COL1A1: variants seen among roughly 807,000 people sequenced by gnomAD.
The protein encoded by COL1A1 is collagen alpha-1(I) chain.
In COL1A1, 21 loss-of-function variants were observed where a neutral mutation model predicts 195.7. The ratio of observed to expected loss-of-function variants is 0.11; its 90% CI spans 0.08 to 0.15. The LOEUF is 0.15. Among genes scored for constraint, COL1A1 ranks in the 10% least tolerant of loss-of-function variants. The pLI is 1.00. For missense variants in COL1A1, 1,365 were observed against 2,051.0 expected (o/e 0.67, Z 6.46); for synonymous variants, 749 against 747.3 (o/e 1.00, Z -0.04).
Position 50,199,739 on chromosome 17 carries a change from G to T in COL1A1, c.298+14C>A. On this transcript the variant is annotated intron_variant, in intron 2 of 50. Transcript: ENST00000225964. The stretch of plus-strand genomic sequence containing the variant: ...CCCCAGGCCCCAGGCCCCAGGCCCC[G>T]AGCGCAGCCGCACCTGAGCCGTCGG... 6.2e-7 allele frequency: 1 copy of T among 1,609,320 alleles called. No homozygotes were observed. The highest frequency in any genetic ancestry group is 1.1e-5 in the South Asian group (1 of 90,918).
At chr17:50,196,837 G>A (rs762842116) in intron 11 of COL1A1, among the ~76,000 whole-genome samples, 167 bp from the exon 12 acceptor site, 10 of 152,268 alleles carry the variant, frequency 6.6e-5, no homozygotes, top group East Asian at 1.9e-4. Flanking sequence ...TCGTTTAATC[G>A]GGACTGCTTT....
In COL1A1 at chr17:50,188,497, C is replaced by T. The variant is rs772010597; in HGVS notation, c.3207+33G>A. The T allele has an allele frequency of 1.3e-6, 2 of 1,592,932 alleles. No individual in the cohort carries two copies. The highest frequency in any genetic ancestry group is 2.2e-5 in the South Asian group (2 of 90,712). ...GAGGCCTGAAGAGTCCCTGGCCTGA[C>T]CAGGTACAGGGAACTGGAGCCCAGC... is the stretch of plus-strand genomic sequence containing the variant. On this transcript the variant is annotated intron_variant, in intron 43 of 50. Transcript: ENST00000225964. This position sits in a 1 kb window ranked among gnomAD's most constrained non-coding sequence, Gnocchi z 5.6.
At position 50,196,165 on chromosome 17, in the gene COL1A1, G is replaced by A. The variant is rs762653813; in HGVS notation, c.992C>T (p.Ala331Val). 28 of 1,613,964 alleles carry A rather than the reference G, an allele frequency of 1.7e-5. No individual in the cohort carries two copies. Among genetic ancestry groups the A allele is most frequent in the Non-Finnish European group, 2.2e-5 (26 of 1,179,988 alleles). Residue 331 changes from alanine to valine, a missense_variant, in exon 15 of 51, where the codon GCC becomes GTC. By Grantham distance (64) the Ala-to-Val change is moderately conservative. Transcript: ENST00000225964. ...ACAGGCCACACTCACAGGGGGCCCG[G>A]CAGCACCAGTAGCACCATCATTTCC... ...ARGNDGATGA[A>V]GPPGPTGPAG... is the part of the protein sequence containing the mutation.
At chr17:50,193,573 C>T (rs976298626) in intron 25 of COL1A1, 1 of 335,660 alleles carries the variant, frequency 3.0e-6, no homozygotes, top group Non-Finnish European at 5.8e-6. Flanking sequence ...CCTCCACCTC[C>T]CGGGTTCATG....
intron 1 of COL1A1, chr17:50,200,238 G>T: frequency 1.2e-4 from 47 of 406,588 alleles, no homozygotes; most frequent in East Asian, 2.0e-4. Context: ...GAAGCCAAGT[G>T]AAATAAAAAC....
At position 50,197,616 on chromosome 17, in the gene COL1A1, A is replaced by C. The variant is rs956044487; in HGVS notation, c.696+116T>G. 4 of 839,238 alleles carry C rather than the reference A, an allele frequency of 4.8e-6. No homozygotes were observed. In the Admixed American group the frequency reaches 9.3e-5, roughly 19 times the overall value. The allele number at this position is 839,238 out of a possible 1,614,324, so 52.0% of individuals were successfully genotyped here. ...TTCCAGGGCAGTCCGTGCATCAGAG[A>C]GGACTTGCCCTCCTTCCTCTGAGTA... On this transcript the variant is annotated intron_variant, in intron 9 of 50. Transcript: ENST00000225964.
At chr17:50,192,150 T>C (rs1907160071) in intron 29 of COL1A1, 126 bp from the exon 30 acceptor site, 2 of 1,059,768 alleles carry the variant, frequency 1.9e-6, no homozygotes, top group East Asian at 2.6e-5. Context: ...CAGCACTGAA[T>C]TGAGATTATC....
In COL1A1 at chr17:50,199,423, G is replaced by A; in HGVS notation, c.364C>T (p.Pro122Ser). 6.2e-7 allele frequency: 1 copy of A among 1,614,070 alleles called. No homozygotes were observed. Among genetic ancestry groups the A allele is most frequent in the East Asian group, 2.2e-5 (1 of 44,868 alleles). The change falls in exon 4 of 51, where the codon CCA (proline) becomes TCA (serine). Residue 122 changes from proline to serine, a missense_variant. This residue lies in a region of COL1A1 where 194 missense variants were observed against 221.7 expected (regional missense o/e 0.88). Coordinates refer to ENST00000225964, the MANE Select transcript of COL1A1 (RefSeq NM_000088.4). ...GPKGDTGPRG[P>S]RGPAGPPGRD... is the part of the protein sequence containing the mutation. Reference sequence around the variant, plus strand: ...GCCCAGAGTGCAACGCTTACCCTTGGGCCTCGGGGGCCAGTGTCTCCCTTG... The same window carrying A: ...GCCCAGAGTGCAACGCTTACCCTTGAGCCTCGGGGGCCAGTGTCTCCCTTG...
At position 50,186,573 on chromosome 17, in the gene COL1A1, C is replaced by T; in HGVS notation, c.3815-66G>A. 1.9e-6 allele frequency: 3 copies of T among 1,613,682 alleles called. No homozygotes were observed. The highest frequency in any genetic ancestry group is 4.5e-5 in the East Asian group (2 of 44,874). On this transcript the variant is annotated intron_variant, in intron 48 of 50. Transcript: ENST00000225964. The surrounding 1 kb of genome is among the most constrained non-coding windows in gnomAD (Gnocchi z 5.3). ...CAGCCAGCACCATATGGTAGGGGCA[C>T]ATATGGGCATGGGGACCCTGGCATG...
In COL1A1 at chr17:50,199,316, G is replaced by A. The variant is rs765296383; in HGVS notation, c.381C>T (p.Gly127=). 3 of 1,550,814 alleles carry A rather than the reference G, an allele frequency of 1.9e-6. No individual in the cohort carries two copies. Among genetic ancestry groups the A allele is most frequent in the Admixed American group, 1.9e-5 (1 of 51,984 alleles). ...CAGGGATGCCATCTCGGCCAGGGGG[G>A]CCTGCGGGTCCCTGCAGGGGGAGAG... ...TGPRGPRGPA[G]PPGRDGIPGQ... The change falls in exon 5 of 51, where the codon GGC becomes GGT. Residue 127 remains glycine, a synonymous_variant. Coordinates refer to ENST00000225964, the MANE Select transcript of COL1A1 (RefSeq NM_000088.4).
At chr17:50,198,642 T>TG in intron 5 of COL1A1, 138 bp from the exon 6 acceptor site, 1 of 577,900 alleles carries the variant, frequency 1.7e-6, no homozygotes, top group Non-Finnish European at 2.9e-6. Flanking sequence ...AAGACATTCC[T>TG]GCAAAGATGC....
chr17:50,193,734 G>C lies in COL1A1; in HGVS notation c.1767+209C>G, dbSNP rs1907308383. 10 of 593,680 alleles carry C rather than the reference G, an allele frequency of 1.7e-5. No individual in the cohort carries two copies. In the Admixed American group the frequency reaches 2.2e-4, roughly 13 times the overall value. 36.8% of individuals were successfully genotyped at this position (593,680 alleles called of 1,614,324 possible). ...CTGACCTCATGGTCTGCCCGCCTTG[G>C]CCTCCCAAAGTGCTGGGATTACAGG... is the stretch of plus-strand genomic sequence containing the variant. On this transcript the variant is annotated intron_variant, in intron 25 of 50. Coordinates refer to ENST00000225964, the MANE Select transcript of COL1A1 (RefSeq NM_000088.4).
chr17:50,193,190 T>C (rs1256812447), intron 25 of COL1A1, 143 bp from the exon 26 acceptor site: 3 of 801,160 alleles, frequency 3.7e-6, no homozygotes, highest in Non-Finnish European at 6.1e-6. Flanking sequence ...CCCCTGCAGG[T>C]GCTTCTTGCT....
rs1907344911 is a variant in COL1A1 at position 50,194,110 on chromosome 17, T to A, written c.1668+20A>T. On this transcript the variant is annotated intron_variant, in intron 24 of 50. Coordinates refer to ENST00000225964, the MANE Select transcript of COL1A1 (RefSeq NM_000088.4). This position sits in a 1 kb window ranked among gnomAD's most constrained non-coding sequence, Gnocchi z 6.8. ...GGCAGACAGGACAATGGCAGGGGGT[T>A]CAGGGGGAGTGATACTTACAGGGGG... The A allele has an allele frequency of 6.2e-7, 1 of 1,610,630 alleles. No homozygotes were observed. Among genetic ancestry groups the A allele is most frequent in the African/African-American group, 1.3e-5 (1 of 74,216 alleles).
chr17:50,198,533 G>C (rs2144589274), intron 5 of COL1A1, 29 bp from the exon 6 acceptor site: 1 of 1,587,098 alleles, frequency 6.3e-7, no homozygotes, highest in African/African-American at 1.3e-5. Flanking sequence ...GTCAGAGTGA[G>C]GACAGTGAAT....
chr17:50,192,416 G>C lies in COL1A1; in HGVS notation c.1983+59C>G, dbSNP rs1010879454. 26 of 1,531,158 alleles carry C rather than the reference G, an allele frequency of 1.7e-5. No homozygotes were observed. The Admixed American group carries it at 2.5e-4, about 15-fold the overall frequency. 94.8% of individuals were successfully genotyped at this position (1,531,158 alleles called of 1,614,324 possible). On this transcript the variant is annotated intron_variant, in intron 29 of 50. Transcript: ENST00000225964. The stretch of plus-strand genomic sequence containing the variant: ...GGCTGTCTGATTAGCTAGGAGCGGG[G>C]GCCTGTCCCTCTGGATTCCCTGCAT...
Position 50,190,809 on chromosome 17 carries a change from C to T in COL1A1, c.2343+8G>A. The T allele has an allele frequency of 6.2e-7, 1 of 1,608,696 alleles. No homozygotes were observed. The highest frequency in any genetic ancestry group is 1.1e-5 in the South Asian group (1 of 90,928). ...TTAGGGCAGAAGGTGGGGAGGCGGC[C>T]ACCTCACCTTGTCACCAGGGGCACC... On this transcript the variant is annotated splice_region_variant and intron_variant, in intron 33 of 50. Coordinates refer to ENST00000225964, the MANE Select transcript of COL1A1 (RefSeq NM_000088.4). This position sits in a 1 kb window ranked among gnomAD's most constrained non-coding sequence, Gnocchi z 4.7.
Position 50,190,079 on chromosome 17 carries a change from G to A in COL1A1, c.2481C>T (p.Gly827=), listed in dbSNP as rs779002822. Residue 827 remains glycine (G), a synonymous_variant, in exon 36 of 51, where the codon GGC becomes GGT. Coordinates refer to ENST00000225964, the MANE Select transcript of COL1A1 (RefSeq NM_000088.4). The surrounding 1 kb of genome is among the most constrained non-coding windows in gnomAD (Gnocchi z 4.7). ...CTTTAGCACCAGCATCACCAGGTTC[G>A]CCTTTAGCACCAGGTTGGCCGTCAG... is the stretch of plus-strand genomic sequence containing the variant. ...PGADGQPGAK[G]EPGDAGAKGD... 1.2e-5 allele frequency: 20 copies of A among 1,613,182 alleles called. No homozygotes were observed. Among genetic ancestry groups the A allele is most frequent in the South Asian group, 1.1e-4 (10 of 91,048 alleles).
Position 50,193,926 on chromosome 17 carries a change from C to T in COL1A1, c.1767+17G>A. The T allele has an allele frequency of 6.2e-7, 1 of 1,610,220 alleles. No homozygotes were observed. Among genetic ancestry groups the T allele is most frequent in the South Asian group, 1.1e-5 (1 of 90,992 alleles). On this transcript the variant is annotated intron_variant, in intron 25 of 50. Coordinates refer to ENST00000225964, the MANE Select transcript of COL1A1 (RefSeq NM_000088.4). ...TGTTTGTCCCTGGCTCTTCATGGAT[C>T]CTCACTTAATACTCACAGCAGCACC...
Sources: gnomAD v4.1 joint callset for allele counts (sites outside exome capture counted in the v4.1 genomes callset) on GRCh38, gnomAD v4.1.1 for gene constraint, gnomAD v4.1.1 regional missense constraint, Gnocchi (gnomAD v3.1) non-coding constraint, MANE v1.5 for transcripts, NCBI Gene and HGNC (gene_info 2026-07-23, HGNC 2026-07-21) for gene names.